Variants in ALDH1A1 observed in about 807,000 individuals in gnomAD.
The protein encoded by ALDH1A1 is aldehyde dehydrogenase 1 family member A1, also known as aldehyde dehydrogenase 1A1.
Under a neutral mutation model 62.1 loss-of-function variants are expected in ALDH1A1, and 19 were observed. The ratio of observed to expected loss-of-function variants is 0.31; its 90% CI spans 0.21 to 0.45. The LOEUF (loss-of-function observed/expected upper bound fraction) is 0.45, where lower values mean the gene tolerates loss of function less well. Among genes scored for constraint, ALDH1A1 ranks in the 20% least tolerant of loss-of-function variants. The pLI is 1.00. For missense variants in ALDH1A1, 521 were observed against 607.1 expected, an observed-to-expected ratio of 0.86 and a Z score of 1.49; for synonymous variants, 231 against 215.9, an observed-to-expected ratio of 1.07 and a Z score of -0.61.
In ALDH1A1 at chr9:72,933,720, G is replaced by T. The variant is rs1048570828; in HGVS notation, c.172-2701C>A. Among the ~76,000 whole-genome samples the T allele has an allele frequency of 3.3e-5, 5 of 151,958 alleles. No individual in the cohort carries two copies. The East Asian group carries it at 9.6e-4, about 29-fold the overall frequency. On this transcript the variant is annotated intron_variant, in intron 2 of 12. Transcript: ENST00000297785. ...AACATTTTCTATGTTAGAACATTAT[G>T]TATTATTCAATGGTGGCAATTGTTA...
At chr9:72,927,597 C>T (rs894000829) in intron 4 of ALDH1A1, among the ~76,000 whole-genome samples, 1 of 152,112 alleles carries the variant, frequency 6.6e-6, no homozygotes, top group East Asian at 1.9e-4. Context: ...AGTAGGAGGT[C>T]TCTGGCGAAG....
chr9:72,948,632 T>A (rs1830501783), intron 1 of ALDH1A1, among the ~76,000 whole-genome samples: 1 of 151,906 alleles, frequency 6.6e-6, no homozygotes, highest in Non-Finnish European at 1.5e-5. Flanking sequence ...AAAGCTCTTC[T>A]ACTCATATCC....
At chr9:72,924,776 A>G (rs754401992) in intron 6 of ALDH1A1, among the ~76,000 whole-genome samples, 6 of 152,218 alleles carry the variant, frequency 3.9e-5, no homozygotes, top group Admixed American at 6.5e-5. Flanking sequence ...TTTAATTTCA[A>G]TAAATAATAT....
Position 72,928,975 on chromosome 9 carries a change from A to G in ALDH1A1, c.359T>C (p.Leu120Pro). 2 of 1,613,998 alleles carry G rather than the reference A, an allele frequency of 1.2e-6. No individual in the cohort carries two copies. Among genetic ancestry groups the G allele is most frequent in the Non-Finnish European group, 1.7e-6 (2 of 1,179,914 alleles). Residue 120 changes from leucine to proline, a missense_variant, in exon 4 of 13, where the codon CTG becomes CCG. Coordinates refer to ENST00000297785, the MANE Select transcript of ALDH1A1 (RefSeq NM_000689.5). ...NGGKLYSNAY[L>P]NDLAGCIKTL... Reference sequence around the variant, plus strand: ...TTTGATGCAGCCTGCTAAATCATTCAGATATGCATTGGAATAGAGTTTTCC... The same window carrying G: ...TTTGATGCAGCCTGCTAAATCATTCGGATATGCATTGGAATAGAGTTTTCC...
chr9:72,926,774 CAGTGGAG>C (rs1389156989), intron 5 of ALDH1A1, among the ~76,000 whole-genome samples: 2 of 152,278 alleles, frequency 1.3e-5, no homozygotes, highest in African/African-American at 4.8e-5. Flanking sequence ...TGCAGATGTG[CAGTGGAG>C]AGCACCTTGC....
chr9:72,940,058 C>G, intron 2 of ALDH1A1, 90 bp downstream of exon 2: 1 of 894,404 alleles, frequency 1.1e-6, no homozygotes, highest in Non-Finnish European at 1.8e-6. Flanking sequence ...CATGGCATGT[C>G]TTTTGGAGCT....
chr9:72,949,806 G>A (rs574840362), intron 1 of ALDH1A1, among the ~76,000 whole-genome samples: 11 of 149,436 alleles, frequency 7.4e-5, no homozygotes, highest in Middle Eastern at 3.4e-3. Context: ...GTCTGAGAAT[G>A]CTTGTCTTCT....
chr9:72,912,762 AGCCACATCTAACTATGT>A (rs1292847232), intron 9 of ALDH1A1, among the ~76,000 whole-genome samples: 2 of 152,202 alleles, frequency 1.3e-5, no homozygotes, highest in Non-Finnish European at 2.9e-5. Flanking sequence ...TCATTAAATG[AGCCACATCTAACTATGT>A]GCCAAGTATT....
chr9:72,946,126 T>C (rs1345932875), intron 1 of ALDH1A1, among the ~76,000 whole-genome samples: 2 of 151,996 alleles, frequency 1.3e-5, no homozygotes, highest in Non-Finnish European at 1.5e-5. Flanking sequence ...ATATATTTTC[T>C]GTATCAGAGT....
intron 11 of ALDH1A1, among the ~76,000 whole-genome samples, chr9:72,907,748 G>A (rs537423803): frequency 8.2e-4 from 125 of 152,306 alleles, no homozygotes; most frequent in African/African-American, 2.9e-3. Flanking sequence ...GTAAGATTGC[G>A]TGAATAGTAT....
At chr9:72,940,901 G>A (rs751841208) in intron 1 of ALDH1A1, among the ~76,000 whole-genome samples, 61 of 152,088 alleles carry the variant, frequency 4.0e-4, no homozygotes, top group Non-Finnish European at 7.4e-4. Flanking sequence ...GAAACAGTAA[G>A]CACTAAAAAA....
At chr9:72,907,122 C>T (rs557184949) in intron 11 of ALDH1A1, among the ~76,000 whole-genome samples, 3 of 152,322 alleles carry the variant, frequency 2.0e-5, no homozygotes, top group South Asian at 4.1e-4. Context: ...TATCCCAGTT[C>T]CCGAAGTTCC....
intron 11 of ALDH1A1, among the ~76,000 whole-genome samples, chr9:72,908,552 GAA>G (rs1829919750): frequency 1.1e-5 from 1 of 91,850 alleles, no homozygotes; most frequent in African/African-American, 5.1e-5. Context: ...AGAAAAGAAA[GAA>G]GAAAGAAAGA....
intron 10 of ALDH1A1, 26 bp downstream of exon 10, chr9:72,911,932 G>T (rs1829995437): frequency 6.2e-7 from 1 of 1,612,736 alleles, no homozygotes; most frequent in Admixed American, 1.7e-5. Flanking sequence ...GCAACAAAAA[G>T]AACAGAACAG....
intron 1 of ALDH1A1, among the ~76,000 whole-genome samples, chr9:72,950,090 T>A (rs4567103): frequency 0.93 from 141,450 of 151,872 alleles, 66,153 homozygotes; most frequent in Non-Finnish European, 0.97. Flanking sequence ...TAAAAGGGAA[T>A]ATTCTGGAAA....
At chr9:72,924,448 T>A (rs1357220949) in intron 6 of ALDH1A1, among the ~76,000 whole-genome samples, 1 of 152,240 alleles carries the variant, frequency 6.6e-6, no homozygotes, top group Non-Finnish European at 1.5e-5. Flanking sequence ...AAGTGTTTGG[T>A]AAGTTACTTA....
intron 7 of ALDH1A1, among the ~76,000 whole-genome samples, chr9:72,919,899 C>A (rs1305504567): frequency 6.6e-6 from 1 of 152,176 alleles, no homozygotes; most frequent in Non-Finnish European, 1.5e-5. Flanking sequence ...TGGATCACTT[C>A]CCATCAAGAT....
chr9:72,914,953 T>C (rs1830042077), intron 9 of ALDH1A1, among the ~76,000 whole-genome samples: 1 of 152,156 alleles, frequency 6.6e-6, no homozygotes. Flanking sequence ...TAAAGCTTAG[T>C]GAGTGAGTAT....
chr9:72,939,787 G>T (rs1830393848), intron 2 of ALDH1A1, among the ~76,000 whole-genome samples: 1 of 151,814 alleles, frequency 6.6e-6, no homozygotes, highest in South Asian at 2.1e-4. Flanking sequence ...CAAAGTGCTG[G>T]GATTACAGGT....
Sources: gnomAD v4.1 joint callset for allele counts (sites outside exome capture counted in the v4.1 genomes callset) on GRCh38, gnomAD v4.1.1 for gene constraint, MANE v1.5 for transcripts, NCBI Gene and HGNC (gene_info 2026-07-23, HGNC 2026-07-21) for gene names.